Variants in KCNMA1 observed in about 807,000 individuals in gnomAD.
The protein encoded by KCNMA1 is potassium calcium-activated channel subfamily M alpha 1, also known as Calcium-activated potassium channel subunit alpha-1.
Under a neutral mutation model 140.0 loss-of-function variants are expected in KCNMA1, and 29 were observed. The ratio of observed to expected loss-of-function variants is 0.21; its 90% CI spans 0.15 to 0.28. KCNMA1 has a LOEUF of 0.28. KCNMA1 is among the 10% of genes least tolerant of loss of function. The probability of loss-of-function intolerance (pLI) is 1.00; values close to 1 mark genes in which losing one functional copy is unlikely to be tolerated. For synonymous variants in KCNMA1, 612 were observed against 611.9 expected (o/e 1.00, Z 0.00); for missense variants, 880 against 1,602.2 (o/e 0.55, Z 7.70).
At position 76,930,814 on chromosome 10, in the gene KCNMA1, AAAAG is replaced by A. The variant is rs2059086913; in HGVS notation, c.2902+13955_2902+13958del. Among the ~76,000 whole-genome samples, 3 of 152,344 alleles carry A rather than the reference AAAAG, an allele frequency of 2.0e-5. No individual in the cohort carries two copies. The South Asian group carries it at 6.2e-4, about 32-fold the overall frequency. On this transcript the variant is annotated intron_variant, in intron 23 of 27. Transcript: ENST00000286628. ...ATAATGGAATATTATTCAGCCATAA[AAAAG>A]AAAGAAATTCTGTCATTCAACAACA...
chr10:77,062,543 A>C (rs778539229), intron 14 of KCNMA1, among the ~76,000 whole-genome samples: 2 of 152,100 alleles, frequency 1.3e-5, no homozygotes, highest in African/African-American at 2.4e-5. Context: ...ACCAGTCATC[A>C]TCTCCCTTCT....
intron 3 of KCNMA1, among the ~76,000 whole-genome samples, chr10:77,212,245 C>T (rs555914940): frequency 7.9e-4 from 121 of 152,292 alleles, no homozygotes; most frequent in African/African-American, 2.6e-3. Flanking sequence ...GGTACATACA[C>T]ATCATGGAAT....
At chr10:77,151,128 C>T (rs1427288046) in intron 5 of KCNMA1, among the ~76,000 whole-genome samples, 1 of 149,000 alleles carries the variant, frequency 6.7e-6, no homozygotes, top group East Asian at 2.0e-4. Flanking sequence ...TCTTCTCTTC[C>T]TTCCTTTCTT....
chr10:77,268,048 C>A (rs992610335), intron 2 of KCNMA1, among the ~76,000 whole-genome samples: 1 of 152,158 alleles, frequency 6.6e-6, no homozygotes, highest in Non-Finnish European at 1.5e-5. Context: ...ATTAAGAGCA[C>A]CTCCTTTCCA....
At chr10:77,067,508 A>G (rs1247764) in intron 14 of KCNMA1, among the ~76,000 whole-genome samples, 96,756 of 152,104 alleles carry the variant, frequency 0.64, 30,851 homozygotes, top group Admixed American at 0.67. Flanking sequence ...GTGTGTGCAC[A>G]CACACACACA....
chr10:77,201,079 T>C (rs74791921), intron 3 of KCNMA1, among the ~76,000 whole-genome samples: 3,864 of 152,226 alleles, frequency 0.025, 78 homozygotes, highest in Non-Finnish European at 0.04. Flanking sequence ...GTATGAATTC[T>C]GGGGTGTGCA....
At chr10:77,134,253 G>A (rs2097925485) in intron 5 of KCNMA1, among the ~76,000 whole-genome samples, 1 of 152,034 alleles carries the variant, frequency 6.6e-6, no homozygotes, top group South Asian at 2.1e-4. Flanking sequence ...AATTCTGCAT[G>A]TTTAAAATCA....
intron 17 of KCNMA1, among the ~76,000 whole-genome samples, chr10:77,014,459 T>C (rs2091575828): frequency 6.6e-6 from 1 of 151,926 alleles, no homozygotes; most frequent in Non-Finnish European, 1.5e-5. Context: ...AAAATCTGTC[T>C]TTGCAATTTT....
intron 1 of KCNMA1, among the ~76,000 whole-genome samples, chr10:77,478,124 T>C (rs2098314982): frequency 6.6e-6 from 1 of 152,224 alleles, no homozygotes; most frequent in Admixed American, 6.5e-5. Flanking sequence ...AGCTTTATGC[T>C]CTATGAATTC....
chr10:77,185,598 A>AT lies in KCNMA1; in HGVS notation c.603-683dup, dbSNP rs398046317. Among the ~76,000 whole-genome samples, 912 of 144,594 alleles carry AT rather than the reference A, an allele frequency of 6.3e-3. 3 individuals are homozygous for AT. Among genetic ancestry groups the AT allele is most frequent in the East Asian group, 0.012 (60 of 4,916 alleles). 94.9% of individuals were successfully genotyped at this position (144,594 alleles called of 152,430 possible). A position where few individuals can be genotyped will look rare whatever the true frequency, so the allele number is the denominator to read the frequency against. ...GGTTGAAGCAGTACTCTAAGGGTTA[A>AT]TTTTTTTTTTTTTTGGCATGCATGC... On this transcript the variant is annotated intron_variant, in intron 3 of 27. Coordinates refer to ENST00000286628, the MANE Select transcript of KCNMA1 (RefSeq NM_001161352.2).
intron 3 of KCNMA1, among the ~76,000 whole-genome samples, chr10:77,244,843 T>C (rs2058196183): frequency 6.6e-6 from 1 of 152,214 alleles, no homozygotes; most frequent in South Asian, 2.1e-4. Flanking sequence ...ACAGCCTCTT[T>C]GCCCTGAAGG....
intron 23 of KCNMA1, among the ~76,000 whole-genome samples, chr10:76,933,622 C>T (rs1291014810): frequency 3.3e-5 from 5 of 152,152 alleles, no homozygotes; most frequent in Non-Finnish European, 7.3e-5. Flanking sequence ...CACTTATTTT[C>T]AAATTCTGGT....
intron 1 of KCNMA1, among the ~76,000 whole-genome samples, chr10:77,609,199 G>A (rs1248630489): frequency 6.6e-6 from 1 of 152,172 alleles, no homozygotes; most frequent in Admixed American, 6.5e-5. Flanking sequence ...CTATCTAAGT[G>A]CCCACCAACG....
intron 1 of KCNMA1, among the ~76,000 whole-genome samples, chr10:77,460,686 G>A (rs1270381237): frequency 6.6e-6 from 1 of 152,140 alleles, no homozygotes; most frequent in African/African-American, 2.4e-5. Context: ...GAAAGTGATG[G>A]GTACACTAAA....
intron 5 of KCNMA1, among the ~76,000 whole-genome samples, chr10:77,138,460 C>T (rs559608125): frequency 2.0e-5 from 3 of 152,212 alleles, no homozygotes; most frequent in South Asian, 2.1e-4. Flanking sequence ...AATAACTTAT[C>T]TTTTCCCTCT....
intron 1 of KCNMA1, among the ~76,000 whole-genome samples, chr10:77,488,053 A>G (rs2098481761): frequency 1.3e-5 from 2 of 152,210 alleles, no homozygotes; most frequent in African/African-American, 4.8e-5. Flanking sequence ...TATTCATTCA[A>G]TATATGCCTA....
chr10:77,294,661 G>A (rs565737167), intron 2 of KCNMA1, among the ~76,000 whole-genome samples: 1 of 152,332 alleles, frequency 6.6e-6, no homozygotes, highest in South Asian at 2.1e-4. Context: ...ACTCACGCCT[G>A]TAATCCCAGC....
At chr10:77,372,357 C>T (rs1173378295) in intron 2 of KCNMA1, among the ~76,000 whole-genome samples, 1 of 152,224 alleles carries the variant, frequency 6.6e-6, no homozygotes, top group Non-Finnish European at 1.5e-5. Flanking sequence ...AGCATATGCA[C>T]ATTAAATGGA....
In KCNMA1 at chr10:77,637,397, C is replaced by G; in HGVS notation, c.246G>C (p.Arg82=). Residue 82 remains arginine, a synonymous_variant, in exon 1 of 28, where the codon CGG becomes CGC. Coordinates refer to ENST00000286628, the MANE Select transcript of KCNMA1 (RefSeq NM_001161352.2). Reference sequence around the variant, plus strand: ...GGAAAGCCCACCACATGCGTTGGCCCCGGCTGTCGCACGGCACCTCCATGG... The same window carrying G: ...GGAAAGCCCACCACATGCGTTGGCCGCGGCTGTCGCACGGCACCTCCATGG... The part of the protein sequence containing the change: ...PVTMEVPCDS[R]GQRMWWAFLA... 2 of 1,613,818 alleles carry G rather than the reference C, an allele frequency of 1.2e-6. No homozygotes were observed. The highest frequency in any genetic ancestry group is 1.7e-6 in the Non-Finnish European group (2 of 1,179,958).
Sources: gnomAD v4.1 joint callset for allele counts (sites outside exome capture counted in the v4.1 genomes callset) on GRCh38, gnomAD v4.1.1 for gene constraint, MANE v1.5 for transcripts, NCBI Gene and HGNC (gene_info 2026-07-23, HGNC 2026-07-21) for gene names.